The following MAST4 variants were observed in gnomAD, a reference collection of about 807,000 sequenced individuals.
MAST4 encodes the protein microtubule associated serine/threonine kinase family member 4, also known as microtubule-associated serine/threonine-protein kinase 4.
Under a neutral mutation model 162.7 loss-of-function variants are expected in MAST4, and 89 were observed. That is an observed-to-expected ratio of 0.55 (90% CI 0.46 to 0.65). MAST4 has a LOEUF of 0.65. MAST4 is among the 30% of genes least tolerant of loss of function. The pLI, the probability that MAST4 is intolerant of heterozygous loss-of-function variation, is 0.00. For missense variants in MAST4, 3,153 were observed against 3,374.0 expected (o/e 0.93, Z 1.62); for synonymous variants, 1,479 against 1,361.1 (o/e 1.09, Z -1.91).
At position 67,138,417 on chromosome 5, in the gene MAST4, TGGTG is replaced by T. The variant is rs1247239306; in HGVS notation, c.2494+1764_2494+1767del. Reference sequence around the variant, plus strand: ...ATGTGTTTTTTGTTTGGTTTTTGGTTGGTGGGTGGGTGGGGTGGTTTGTTTGTTT... The same window carrying T: ...ATGTGTTTTTTGTTTGGTTTTTGGTTGGTGGGTGGGGTGGTTTGTTTGTTT... On this transcript the variant is annotated intron_variant, in intron 19 of 28. Transcript: ENST00000403625. Among the ~76,000 whole-genome samples, 3 of 152,066 alleles carry T rather than the reference TGGTG, an allele frequency of 2.0e-5. No homozygotes were observed. The East Asian group carries it at 5.8e-4, about 29-fold the overall frequency.
chr5:67,039,974 T>TAC (rs1031275136), intron 4 of MAST4, among the ~76,000 whole-genome samples: 1 of 150,780 alleles, frequency 6.6e-6, no homozygotes, highest in African/African-American at 2.4e-5. Flanking sequence ...TATATATATA[T>TAC]ATATATGTGT....
At position 67,163,116 on chromosome 5, in the gene MAST4, ATGCTCACAGC is replaced by A. The variant is rs779272756; in HGVS notation, c.3968-30_3968-21del. The A allele has an allele frequency of 3.8e-6, 6 of 1,575,252 alleles. No individual in the cohort carries two copies. In the South Asian group the frequency reaches 6.9e-5, roughly 18 times the overall value. The stretch of plus-strand genomic sequence containing the variant: ...GAAAAAAAGGGGAAAATGACCATGG[ATGCTCACAGC>A]CTTCTGTTTTCCATCCACAGGTACT... On this transcript the variant is annotated intron_variant, in intron 28 of 28. Transcript: ENST00000403625. The surrounding 1 kb of genome is among the most constrained non-coding windows in gnomAD (Gnocchi z 7.0).
chr5:66,870,487 T>G (rs1760847751), intron 3 of MAST4, among the ~76,000 whole-genome samples: 1 of 152,160 alleles, frequency 6.6e-6, no homozygotes, highest in South Asian at 2.1e-4. Context: ...AATTATCAAA[T>G]AATAGGAAAA....
At chr5:66,830,793 G>A (rs1757546221) in intron 3 of MAST4, among the ~76,000 whole-genome samples, 1 of 152,180 alleles carries the variant, frequency 6.6e-6, no homozygotes, top group African/African-American at 2.4e-5. Context: ...TACCACACAT[G>A]TCACTGTAGA....
intron 1 of MAST4, among the ~76,000 whole-genome samples, chr5:66,752,366 C>G (rs950343333): frequency 6.7e-6 from 1 of 150,016 alleles, no homozygotes; most frequent in African/African-American, 2.5e-5. Context: ...GATAAAGAGT[C>G]CAGACCCATC....
At chr5:67,103,766 T>C (rs924117488) in intron 9 of MAST4, among the ~76,000 whole-genome samples, 47 of 152,224 alleles carry the variant, frequency 3.1e-4, no homozygotes, top group African/African-American at 1.1e-3. Flanking sequence ...GCTTAGGTTG[T>C]GGAACTCTAG....
At chr5:67,084,138 G>C (rs1443882288) in intron 5 of MAST4, among the ~76,000 whole-genome samples, 1 of 152,182 alleles carries the variant, frequency 6.6e-6, no homozygotes, top group African/African-American at 2.4e-5. Context: ...CTTATGACAA[G>C]AAATTGACCT....
chr5:67,039,756 C>G (rs1025691127), intron 4 of MAST4, among the ~76,000 whole-genome samples: 18 of 152,194 alleles, frequency 1.2e-4, no homozygotes, highest in African/African-American at 4.3e-4. Context: ...AGTGAGGCCT[C>G]TTTCTACACA....
intron 3 of MAST4, among the ~76,000 whole-genome samples, chr5:66,822,427 A>G (rs983574293): frequency 1.3e-5 from 2 of 152,224 alleles, no homozygotes; most frequent in Non-Finnish European, 2.9e-5. Context: ...TGGCATGGCA[A>G]TGGAAAGGGT....
chr5:66,918,317 A>G (rs2150035910), intron 4 of MAST4, among the ~76,000 whole-genome samples: 1 of 152,322 alleles, frequency 6.6e-6, no homozygotes, highest in South Asian at 2.1e-4. Flanking sequence ...TGATGTGAAC[A>G]AAGAACTATA....
chr5:66,957,014 T>C (rs1043136422), intron 4 of MAST4, among the ~76,000 whole-genome samples: 14 of 152,162 alleles, frequency 9.2e-5, no homozygotes, highest in Non-Finnish European at 1.0e-4. Context: ...ATGGTGAGTT[T>C]TCTTTTGGGT....
chr5:66,908,876 C>T (rs1763556274), intron 4 of MAST4, among the ~76,000 whole-genome samples: 1 of 152,116 alleles, frequency 6.6e-6, no homozygotes, highest in Non-Finnish European at 1.5e-5. Flanking sequence ...CTCTATGTGC[C>T]TTAGTTTCCT....
At position 66,987,341 on chromosome 5, in the gene MAST4, G is replaced by A. The variant is rs567217189; in HGVS notation, c.675-67063G>A. Among the ~76,000 whole-genome samples, 8 of 152,264 alleles carry A rather than the reference G, an allele frequency of 5.3e-5. No homozygotes were observed. The East Asian group carries it at 1.5e-3, about 29-fold the overall frequency. On this transcript the variant is annotated intron_variant, in intron 4 of 28. Transcript: ENST00000403625. ...TATGCTGATGAGTCATGTGCAATGT[G>A]TTTTGAAAATCAGAAGTTTTCAGAT... is the stretch of plus-strand genomic sequence containing the variant.
intron 1 of MAST4, among the ~76,000 whole-genome samples, chr5:66,714,085 T>G (rs1750664264): frequency 6.6e-6 from 1 of 152,242 alleles, no homozygotes; most frequent in African/African-American, 2.4e-5. Flanking sequence ...GAGCCACCAT[T>G]CACACATAGG....
At chr5:66,945,866 CTATT>C (rs1301503399) in intron 4 of MAST4, among the ~76,000 whole-genome samples, 2 of 152,236 alleles carry the variant, frequency 1.3e-5, no homozygotes, top group African/African-American at 4.8e-5. Flanking sequence ...ATGTGCTAAA[CTATT>C]TAACGAGCAT....
intron 3 of MAST4, among the ~76,000 whole-genome samples, chr5:66,876,004 C>G (rs1024082456): frequency 6.6e-6 from 1 of 152,118 alleles, no homozygotes; most frequent in Non-Finnish European, 1.5e-5. Flanking sequence ...TGGGGTCAAG[C>G]AATCCTCCTG....
At chr5:66,887,767 C>T (rs1762129345) in intron 3 of MAST4, among the ~76,000 whole-genome samples, 1 of 152,182 alleles carries the variant, frequency 6.6e-6, no homozygotes, top group South Asian at 2.1e-4. Flanking sequence ...ATTTTTAACA[C>T]TGCAATGGCA....
At chr5:66,816,630 C>T (rs180720922) in intron 3 of MAST4, among the ~76,000 whole-genome samples, 1 of 152,232 alleles carries the variant, frequency 6.6e-6, no homozygotes, top group East Asian at 1.9e-4. Flanking sequence ...GAATGGCTGC[C>T]TTTAGGAGCC....
At chr5:66,986,600 T>TTATATATATA (rs548477839) in intron 4 of MAST4, 86 of 214,060 alleles carry the variant, frequency 4.0e-4, no homozygotes, top group African/African-American at 1.9e-3. Flanking sequence ...ATGTATGAAT[T>TTATATATATA]TATATATATA....
Sources: gnomAD v4.1 joint callset for allele counts (sites outside exome capture counted in the v4.1 genomes callset) on GRCh38, gnomAD v4.1.1 for gene constraint, Gnocchi (gnomAD v3.1) non-coding constraint, MANE v1.5 for transcripts, NCBI Gene and HGNC (gene_info 2026-07-23, HGNC 2026-07-21) for gene names.